Variants in CELF4 observed in about 807,000 individuals in gnomAD.
The protein encoded by CELF4 is CUG-BP- and ETR-3-like factor 4.
In CELF4, 18 loss-of-function variants were observed where a neutral mutation model predicts 59.9. The ratio of observed to expected loss-of-function variants is 0.30; its 90% confidence interval spans 0.21 to 0.45. The LOEUF is 0.45. CELF4 is among the 20% of genes least tolerant of loss of function. The pLI, the probability that CELF4 is intolerant of heterozygous loss-of-function variation, is 1.00. For missense variants in CELF4, 456 were observed against 689.0 expected, an observed-to-expected ratio of 0.66 and a Z score of 3.79; for synonymous variants, 261 against 267.1, an observed-to-expected ratio of 0.98 and a Z score of 0.22.
chr18:37,459,912 G>GA (rs2099788916), intron 2 of CELF4, among the ~76,000 whole-genome samples: 1 of 152,176 alleles, frequency 6.6e-6, no homozygotes. Flanking sequence ...TACGTCCTTG[G>GA]AAGGCAGAGT....
chr18:37,476,268 G>C (rs1022462534), intron 2 of CELF4, among the ~76,000 whole-genome samples: 3 of 152,216 alleles, frequency 2.0e-5, no homozygotes, highest in Non-Finnish European at 2.9e-5. Flanking sequence ...GGGTGGAGCC[G>C]AGTGTTCGGC....
rs2067120171 is a variant in CELF4 at position 37,253,789 on chromosome 18, CG to C, written c.*21del. The C allele has an allele frequency of 2.5e-6, 4 of 1,589,098 alleles. No individual in the cohort carries two copies. Among genetic ancestry groups the C allele is most frequent in the Non-Finnish European group, 3.4e-6 (4 of 1,167,596 alleles). ...TACCTGTGCGAGTCCTGGTCTCCCCCGGGGGACGCTCCCGCCGGCGCTCAGT... is the reference window on the plus strand; with the variant it reads ...TACCTGTGCGAGTCCTGGTCTCCCCCGGGGACGCTCCCGCCGGCGCTCAGT... On this transcript the variant is annotated 3_prime_UTR_variant, in exon 12 of 13. Coordinates refer to ENST00000420428, the MANE Select transcript of CELF4 (RefSeq NM_020180.4). The surrounding 1 kb of genome is among the most constrained non-coding windows in gnomAD (Gnocchi z 4.5).
At chr18:37,247,658 TACACACATAC>T (rs2062900181) in intron 12 of CELF4, among the ~76,000 whole-genome samples, 1 of 150,402 alleles carries the variant, frequency 6.6e-6, no homozygotes, top group Non-Finnish European at 1.5e-5. Context: ...CGCACACACA[TACACACATAC>T]ACACACACGG....
At chr18:37,481,805 C>T (rs73433237) in intron 2 of CELF4, among the ~76,000 whole-genome samples, 14 of 152,308 alleles carry the variant, frequency 9.2e-5, no homozygotes, top group African/African-American at 3.1e-4. Flanking sequence ...CTAAAGCAAC[C>T]GGTGGCACTG....
intron 1 of CELF4, among the ~76,000 whole-genome samples, chr18:37,505,908 C>T (rs1040201742): frequency 2.0e-5 from 3 of 152,180 alleles, no homozygotes; most frequent in African/African-American, 4.8e-5. Flanking sequence ...CTCCCAGAAC[C>T]ACACTGGAGC....
At chr18:37,275,344 G>A in intron 3 of CELF4, 101 bp from the exon 4 acceptor site, 1 of 1,437,830 alleles carries the variant, frequency 7.0e-7, no homozygotes, top group Non-Finnish European at 9.3e-7. Context: ...GGAGGAGCCG[G>A]GGAGGCGGGG....
Position 37,523,378 on chromosome 18 carries a change from G to A in CELF4, c.287-37771C>T, listed in dbSNP as rs146978681. Among the ~76,000 whole-genome samples, 509 of 152,292 alleles carry A rather than the reference G, an allele frequency of 3.3e-3. 1 individual carries two copies. The highest frequency in any genetic ancestry group is 0.012 in the African/African-American group (481 of 41,556). On this transcript the variant is annotated intron_variant, in intron 1 of 12. Coordinates refer to ENST00000420428, the MANE Select transcript of CELF4 (RefSeq NM_020180.4). ...TTCACATCTCTTACCACCCCTCCAG[G>A]GGTAGACATGCCCAAGGAAGAAGTT...
At chr18:37,462,405 C>A (rs1239113496) in intron 2 of CELF4, among the ~76,000 whole-genome samples, 1 of 152,196 alleles carries the variant, frequency 6.6e-6, no homozygotes, top group Non-Finnish European at 1.5e-5. Flanking sequence ...CCTCCGGAGG[C>A]CTTTCTGTCT....
intron 2 of CELF4, among the ~76,000 whole-genome samples, chr18:37,427,037 CGGG>C (rs5741769): frequency 8.1e-5 from 10 of 123,224 alleles, no homozygotes; most frequent in Admixed American, 7.4e-4. Context: ...AGCAGGGACA[CGGG>C]GGGGGGGGAA....
intron 1 of CELF4, among the ~76,000 whole-genome samples, chr18:37,516,799 C>T (rs2099951141): frequency 6.6e-6 from 1 of 152,206 alleles, no homozygotes; most frequent in Non-Finnish European, 1.5e-5. Context: ...ACCCCCACAG[C>T]TGGCATGGGG....
intron 1 of CELF4, among the ~76,000 whole-genome samples, chr18:37,528,024 A>G (rs1239110694): frequency 1.3e-5 from 2 of 152,220 alleles, no homozygotes; most frequent in African/African-American, 4.8e-5. Context: ...CACAGACAGT[A>G]GAGCTAAAAA....
intron 7 of CELF4, 44 bp from the exon 8 acceptor site, chr18:37,270,961 G>A: frequency 6.5e-7 from 1 of 1,532,564 alleles, no homozygotes; most frequent in Non-Finnish European, 8.8e-7. Flanking sequence ...GGGGAGGCAA[G>A]CAGAACAAAG....
chr18:37,252,974 C>A (rs2066493531), intron 12 of CELF4, among the ~76,000 whole-genome samples: 1 of 151,986 alleles, frequency 6.6e-6, no homozygotes, highest in South Asian at 2.1e-4. Flanking sequence ...CTGGGGGAAA[C>A]CATTCTGAAG....
chr18:37,370,145 C>T lies in CELF4; in HGVS notation c.370-48264G>A, dbSNP rs549704215. On this transcript the variant is annotated intron_variant, in intron 2 of 12. Transcript: ENST00000420428. ...AAGCAAGAGACCCTCAGACTGTTCCCAGCTTCCAATCCAATAGGTCCTATC... is the reference window on the plus strand; with the variant it reads ...AAGCAAGAGACCCTCAGACTGTTCCTAGCTTCCAATCCAATAGGTCCTATC... 2.6e-5 allele frequency among the ~76,000 whole-genome samples: 4 copies of T among 152,336 alleles called. No homozygotes were observed. The East Asian group carries it at 7.7e-4, about 29-fold the overall frequency.
chr18:37,509,011 C>T (rs1217715049), intron 1 of CELF4, among the ~76,000 whole-genome samples: 2 of 152,162 alleles, frequency 1.3e-5, no homozygotes, highest in Admixed American at 1.3e-4. Context: ...TGTGGTCTTC[C>T]CAGCTCAAAG....
chr18:37,505,299 C>G (rs1031451039), intron 1 of CELF4, among the ~76,000 whole-genome samples: 1 of 152,216 alleles, frequency 6.6e-6, no homozygotes, highest in Non-Finnish European at 1.5e-5. Context: ...TCTCCACACT[C>G]CCTTTCTTTC....
At chr18:37,333,080 G>A (rs2097606589) in intron 2 of CELF4, among the ~76,000 whole-genome samples, 1 of 152,200 alleles carries the variant, frequency 6.6e-6, no homozygotes, top group Non-Finnish European at 1.5e-5. Flanking sequence ...TAACAGTAGT[G>A]GATAGATAAT....
chr18:37,515,192 A>G (rs986752655), intron 1 of CELF4, among the ~76,000 whole-genome samples: 3 of 152,188 alleles, frequency 2.0e-5, no homozygotes, highest in African/African-American at 7.2e-5. Flanking sequence ...TTTATAGTAC[A>G]GTAAAAGCCT....
At chr18:37,505,622 G>A (rs1262349940) in intron 1 of CELF4, among the ~76,000 whole-genome samples, 1 of 152,160 alleles carries the variant, frequency 6.6e-6, no homozygotes, top group Non-Finnish European at 1.5e-5. Context: ...GAGGACCTCA[G>A]TGGCTGGCAG....
Sources: gnomAD v4.1 joint callset for allele counts (sites outside exome capture counted in the v4.1 genomes callset) on GRCh38, gnomAD v4.1.1 for gene constraint, Gnocchi (gnomAD v3.1) non-coding constraint, MANE v1.5 for transcripts, NCBI Gene and HGNC (gene_info 2026-07-23, HGNC 2026-07-21) for gene names.